Variants in RNF130 observed in about 807,000 individuals in gnomAD.
The protein encoded by RNF130 is E3 ubiquitin-protein ligase RNF130.
In RNF130, 21 loss-of-function variants were observed where a neutral mutation model predicts 44.6. The ratio of observed to expected loss-of-function variants is 0.47; its 90% CI spans 0.33 to 0.68. The LOEUF (loss-of-function observed/expected upper bound fraction) is 0.68, where lower values mean the gene tolerates loss of function less well. Among genes scored for constraint, RNF130 ranks in the 30% least tolerant of loss-of-function variants. The probability of loss-of-function intolerance (pLI) is 0.02; values close to 1 mark genes in which losing one functional copy is unlikely to be tolerated. For missense variants in RNF130, 479 were observed against 560.6 expected (o/e 0.85, Z 1.47); for synonymous variants, 214 against 210.4 (o/e 1.02, Z -0.15).
intron 3 of RNF130, among the ~76,000 whole-genome samples, chr5:180,005,287 G>T (rs1763438684): frequency 6.6e-6 from 1 of 152,120 alleles, no homozygotes; most frequent in African/African-American, 2.4e-5. Flanking sequence ...AATTAGTCGG[G>T]CCTGGTGGTG....
intron 7 of RNF130, among the ~76,000 whole-genome samples, chr5:179,932,742 A>T (rs1404896496): frequency 6.6e-6 from 1 of 151,884 alleles, no homozygotes; most frequent in Admixed American, 6.6e-5. Flanking sequence ...AGGCTGAGGC[A>T]GGAGAATCAC....
chr5:180,057,282 C>A (rs139384277), intron 1 of RNF130, among the ~76,000 whole-genome samples: 1 of 152,364 alleles, frequency 6.6e-6, no homozygotes, highest in East Asian at 1.9e-4. Context: ...GGCACAGTGG[C>A]TCACGCCTGT....
chr5:179,994,182 T>C (rs189283102), intron 3 of RNF130, among the ~76,000 whole-genome samples: 78 of 152,346 alleles, frequency 5.1e-4, no homozygotes, highest in African/African-American at 1.8e-3. Flanking sequence ...TTTGTTCTTT[T>C]GGCTTATGCG....
chr5:179,926,036 T>C (rs1237858504), intron 7 of RNF130, among the ~76,000 whole-genome samples: 1 of 152,136 alleles, frequency 6.6e-6, no homozygotes, highest in Non-Finnish European at 1.5e-5. Context: ...TGGTGCTCAG[T>C]GACGCTACCC....
intron 3 of RNF130, among the ~76,000 whole-genome samples, chr5:179,999,224 G>T (rs1256383544): frequency 4.0e-5 from 6 of 151,478 alleles, no homozygotes; most frequent in Non-Finnish European, 7.4e-5. Context: ...GTTTCACCAT[G>T]TTGGCCAGGC....
intron 2 of RNF130, among the ~76,000 whole-genome samples, chr5:180,034,631 G>C (rs539642653): frequency 3.3e-5 from 5 of 152,090 alleles, no homozygotes; most frequent in Non-Finnish European, 5.9e-5. Flanking sequence ...ACAGAAAAAA[G>C]TAAACATAGC....
At chr5:180,064,830 C>T (rs781710240) in intron 1 of RNF130, among the ~76,000 whole-genome samples, 14 of 152,252 alleles carry the variant, frequency 9.2e-5, no homozygotes, top group South Asian at 2.1e-4. Flanking sequence ...CAGATTAGTT[C>T]TAAGCAGTGA....
At position 180,040,655 on chromosome 5, in the gene RNF130, G is replaced by GA. The variant is rs1764387403; in HGVS notation, c.248-9dup. On this transcript the variant is annotated splice_polypyrimidine_tract_variant and intron_variant, in intron 1 of 8. Coordinates refer to ENST00000521389, the MANE Select transcript of RNF130 (RefSeq NM_018434.6). The stretch of plus-strand genomic sequence containing the variant: ...AGCCCAGATGATCAGCAACTGAAAA[G>GA]AAAAAGAAATACACACATTAAAGAT... 1 of 1,605,952 alleles carries GA rather than the reference G, an allele frequency of 6.2e-7. No homozygotes were observed. Among genetic ancestry groups the GA allele is most frequent in the Non-Finnish European group, 8.5e-7 (1 of 1,176,792 alleles).
intron 1 of RNF130, among the ~76,000 whole-genome samples, chr5:180,054,346 G>C (rs1156367309): frequency 1.3e-5 from 2 of 152,106 alleles, no homozygotes; most frequent in African/African-American, 4.8e-5. Flanking sequence ...ATCACCAAAT[G>C]CAAAGAATTC....
intron 1 of RNF130, among the ~76,000 whole-genome samples, chr5:180,070,412 A>C (rs1765223618): frequency 6.6e-6 from 1 of 152,224 alleles, no homozygotes; most frequent in Admixed American, 6.5e-5. Flanking sequence ...AGACTGTCTC[A>C]AAGAAGAAAA....
chr5:179,969,011 TG>T (rs1762523377), intron 6 of RNF130, among the ~76,000 whole-genome samples: 1 of 152,226 alleles, frequency 6.6e-6, no homozygotes, highest in African/African-American at 2.4e-5. Flanking sequence ...ACACTGAAAC[TG>T]TGTTTGACAG....
In RNF130 at chr5:180,028,212, C is replaced by T. The variant is rs553504014; in HGVS notation, c.442+12241G>A. On this transcript the variant is annotated intron_variant, in intron 2 of 8. Coordinates refer to ENST00000521389, the MANE Select transcript of RNF130 (RefSeq NM_018434.6). ...GTTTCCTCAAGGCATTCCTCTCTGA[C>T]CCCTTGGACCTAAGTCACTTCCCAC... Among the ~76,000 whole-genome samples the T allele has an allele frequency of 3.9e-5, 6 of 152,276 alleles. No homozygotes were observed. The South Asian group carries it at 1.2e-3, about 32-fold the overall frequency.
intron 7 of RNF130, among the ~76,000 whole-genome samples, chr5:179,949,527 A>T (rs532572359): frequency 6.6e-6 from 1 of 152,162 alleles, no homozygotes; most frequent in Non-Finnish European, 1.5e-5. Flanking sequence ...AACAAAGACA[A>T]AACAACCTGT....
intron 3 of RNF130, among the ~76,000 whole-genome samples, chr5:180,011,840 T>C (rs1763602904): frequency 6.6e-6 from 1 of 152,148 alleles, no homozygotes; most frequent in Non-Finnish European, 1.5e-5. Context: ...CATTAACAGC[T>C]GTAGCATCTG....
At chr5:180,065,277 C>T (rs1462363855) in intron 1 of RNF130, among the ~76,000 whole-genome samples, 1 of 152,150 alleles carries the variant, frequency 6.6e-6, no homozygotes, top group African/African-American at 2.4e-5. Context: ...AAATGTCACC[C>T]ATTATCTAAT....
chr5:179,997,976 A>G (rs1003397532), intron 3 of RNF130, among the ~76,000 whole-genome samples: 3 of 151,330 alleles, frequency 2.0e-5, no homozygotes, highest in Non-Finnish European at 4.4e-5. Flanking sequence ...CGAGTAGCTG[A>G]GACTACAGGT....
chr5:179,965,402 A>G (rs980553855), intron 7 of RNF130, among the ~76,000 whole-genome samples: 1 of 152,218 alleles, frequency 6.6e-6, no homozygotes, highest in Non-Finnish European at 1.5e-5. Context: ...TATTAACATC[A>G]TGTGCAAATT....
intron 3 of RNF130, among the ~76,000 whole-genome samples, chr5:180,007,988 GTTTTTT>G (rs371751598): frequency 7.7e-6 from 1 of 129,890 alleles, no homozygotes; most frequent in African/African-American, 2.9e-5. Context: ...AAATCTTTTA[GTTTTTT>G]TTTTTTTTTT....
intron 7 of RNF130, among the ~76,000 whole-genome samples, chr5:179,942,050 G>C (rs978503108): frequency 6.6e-6 from 1 of 151,994 alleles, no homozygotes; most frequent in Non-Finnish European, 1.5e-5. Flanking sequence ...GTTTATTTCA[G>C]TTTCTTCACA....
Sources: allele counts gnomAD v4.1 joint callset (sites outside exome capture counted in the v4.1 genomes callset), GRCh38; gene constraint gnomAD v4.1.1; transcripts MANE v1.5; gene names NCBI Gene and HGNC (gene_info 2026-07-23, HGNC 2026-07-21).